Variants in VPS13C observed in about 807,000 individuals in gnomAD.
The protein encoded by VPS13C is intermembrane lipid transfer protein VPS13C.
VPS13C carries 358 observed loss-of-function variants against 456.8 expected under a neutral mutation model. The ratio of observed to expected loss-of-function variants is 0.78; its 90% CI spans 0.72 to 0.86. The LOEUF (loss-of-function observed/expected upper bound fraction) is 0.86. VPS13C is among the 40% of genes least tolerant of loss of function. The pLI is 0.00. For synonymous variants in VPS13C, 1,578 were observed against 1,486.7 expected (o/e 1.06, Z -1.41); for missense variants, 4,818 against 4,385.4 (o/e 1.10, Z -2.79).
At chr15:62,014,907 TTAAG>T (rs1250593065) in intron 9 of VPS13C, among the ~76,000 whole-genome samples, 1 of 152,148 alleles carries the variant, frequency 6.6e-6, no homozygotes, top group Non-Finnish European at 1.5e-5. Flanking sequence ...CATATATTAC[TTAAG>T]TATTAAAACT....
rs1227071243 is a variant in VPS13C, at chr15:61,873,116, T to G, written c.10578+130A>C. The G allele has an allele frequency of 2.2e-6, 3 of 1,376,684 alleles. No individual in the cohort carries two copies. The African/African-American group carries it at 4.3e-5, about 20-fold the overall frequency. 85.3% of individuals were successfully genotyped at this position (1,376,684 alleles called of 1,614,324 possible). A position where few individuals can be genotyped will look rare whatever the true frequency, so the allele number is the denominator to read the frequency against. The stretch of plus-strand genomic sequence containing the variant: ...GGGGAGCAAAAAGGAAACTGGGAAG[T>G]CCATCATTTATCATTCTTTCTATTC... On this transcript the variant is annotated intron_variant, in intron 78 of 84. Transcript: ENST00000644861.
intron 15 of VPS13C, among the ~76,000 whole-genome samples, chr15:62,001,716 T>C (rs1221128091): frequency 6.6e-6 from 1 of 152,170 alleles, no homozygotes; most frequent in African/African-American, 2.4e-5. Context: ...CCCCTTCCTG[T>C]GTCCATGTGT....
At chr15:61,968,333 G>T (rs2045442820) in intron 28 of VPS13C, among the ~76,000 whole-genome samples, 1 of 151,928 alleles carries the variant, frequency 6.6e-6, no homozygotes, top group Non-Finnish European at 1.5e-5. Flanking sequence ...TCAACATGGT[G>T]TAACAACTCT....
intron 1 of VPS13C, among the ~76,000 whole-genome samples, chr15:62,059,441 C>G (rs1487223998): frequency 6.6e-6 from 1 of 151,788 alleles, no homozygotes; most frequent in Non-Finnish European, 1.5e-5. Flanking sequence ...CAAAGCTTAA[C>G]ACGTAATTCA....
intron 15 of VPS13C, among the ~76,000 whole-genome samples, chr15:62,001,974 A>T (rs2046637643): frequency 6.6e-6 from 1 of 152,198 alleles, no homozygotes; most frequent in African/African-American, 2.4e-5. Context: ...TGCCGCAATA[A>T]ACATATGTGT....
intron 6 of VPS13C, among the ~76,000 whole-genome samples, chr15:62,027,928 T>C (rs2047691469): frequency 6.6e-6 from 1 of 152,036 alleles, no homozygotes; most frequent in Admixed American, 6.6e-5. Flanking sequence ...ACACCTCCTG[T>C]CACGGTTCTG....
chr15:61,898,035 T>C (rs915725124), intron 66 of VPS13C, among the ~76,000 whole-genome samples: 3 of 152,072 alleles, frequency 2.0e-5, no homozygotes, highest in South Asian at 2.1e-4. Flanking sequence ...TAAAATACTT[T>C]ACAGACAAGC....
At chr15:61,896,820 C>T (rs1358865889) in intron 66 of VPS13C, among the ~76,000 whole-genome samples, 1 of 152,130 alleles carries the variant, frequency 6.6e-6, no homozygotes, top group Non-Finnish European at 1.5e-5. Flanking sequence ...AACAAAAAGA[C>T]AGCAGTAACC....
At chr15:62,032,654 T>C (rs1398686355) in intron 5 of VPS13C, among the ~76,000 whole-genome samples, 1 of 151,788 alleles carries the variant, frequency 6.6e-6, no homozygotes, top group Non-Finnish European at 1.5e-5. Context: ...ATAATTAACA[T>C]CATTTCTAAC....
rs770402454 is a variant in VPS13C, at chr15:61,920,049, AAAAC to A, written c.7477+14_7477+17del. 6.4e-7 allele frequency: 1 copy of A among 1,557,164 alleles called. No individual in the cohort carries two copies. The highest frequency in any genetic ancestry group is 1.2e-5 in the South Asian group (1 of 83,372). ...AACAACTGCTAAGATACCCTTAAGG[AAAAC>A]AAATATAGCCTACCAATGGTCAGAG... On this transcript the variant is annotated intron_variant, in intron 57 of 84. Coordinates refer to ENST00000644861, the MANE Select transcript of VPS13C (RefSeq NM_020821.3).
At chr15:62,025,559 T>G (rs1047363856) in intron 6 of VPS13C, among the ~76,000 whole-genome samples, 1 of 152,112 alleles carries the variant, frequency 6.6e-6, no homozygotes. Flanking sequence ...CGTGTTAAAT[T>G]CTCTTCTTAC....
rs368291106 is a variant in VPS13C, at chr15:61,931,108, A to C, written c.6020T>G (p.Ile2007Ser). 6.2e-7 allele frequency: 1 copy of C among 1,613,960 alleles called. No homozygotes were observed. Among genetic ancestry groups the C allele is most frequent in the African/African-American group, 1.3e-5 (1 of 74,912 alleles). ...GACAAACCTCGATGTTGCTCTCTCA[A>C]TTCCTTCTCTGAGATCATCAAGGGT... ...TCTLDDLREGIERATSRMIDR... is the reference protein window; with the variant it reads ...TCTLDDLREGSERATSRMIDR... Residue 2007 changes from isoleucine to serine, a missense_variant, in exon 50 of 85, where the codon ATT becomes AGT. This residue lies in a region of VPS13C where 4,552 missense variants were observed against 4,130.6 expected (regional missense o/e 1.10). Transcript: ENST00000644861.
intron 21 of VPS13C, among the ~76,000 whole-genome samples, 184 bp from the exon 22 acceptor site, chr15:61,981,662 C>T (rs931274713): frequency 6.6e-6 from 1 of 152,102 alleles, no homozygotes; most frequent in Non-Finnish European, 1.5e-5. Context: ...AGATCGAGAC[C>T]ATCCTGGCTA....
chr15:61,867,571 T>A lies in VPS13C; in HGVS notation c.10863+1088A>T. 9.8e-7 allele frequency: 1 copy of A among 1,022,708 alleles called. No individual in the cohort carries two copies. The highest frequency in any genetic ancestry group is 4.2e-5 in the South Asian group (1 of 23,792). The allele number at this position is 1,022,708 out of a possible 1,614,324, so 63.4% of individuals were successfully genotyped here. ...TAATTGGACATAATAATTGTCCTGT[T>A]TTTCAATTTTACCTGAAATGCACAT... On this transcript the variant is annotated intron_variant, in intron 81 of 84. Transcript: ENST00000644861. This position sits in a 1 kb window ranked among gnomAD's most constrained non-coding sequence, Gnocchi z 5.0.
intron 25 of VPS13C, among the ~76,000 whole-genome samples, 170 bp downstream of exon 25, chr15:61,974,118 T>A (rs1037672539): frequency 6.6e-6 from 1 of 152,088 alleles, no homozygotes; most frequent in Non-Finnish European, 1.5e-5. Flanking sequence ...TTTTTGTTAG[T>A]TTTTTTCCCC....
chr15:61,856,546 CTTCA>C (rs1893916741), intron 82 of VPS13C, 137 bp from the exon 83 acceptor site: 1 of 975,746 alleles, frequency 1.0e-6, no homozygotes, highest in Admixed American at 3.5e-5. Flanking sequence ...AAAAAACCTG[CTTCA>C]TTTTTTTTAA....
In VPS13C at chr15:61,878,664, T is replaced by C. The variant is rs766973105; in HGVS notation, c.10085A>G (p.Asn3362Ser). The part of the protein sequence containing the change: ...KQEMFAVHSV[N>S]LLLKSIGATL... ...AGCACCTATGCTTTTCAACAGCAAG[T>C]TGACAGAATGAACTGCAAACATTTC... is the stretch of plus-strand genomic sequence containing the variant. Residue 3362 changes from asparagine to serine, a missense_variant, in exon 74 of 85, where the codon AAC becomes AGC. By Grantham distance (46) the Asn-to-Ser change is conservative (BLOSUM62 1). This residue lies in a region of VPS13C where 4,552 missense variants were observed against 4,130.6 expected (regional missense o/e 1.10). Transcript: ENST00000644861. The C allele has an allele frequency of 3.1e-6, 5 of 1,611,894 alleles. No homozygotes were observed. The highest frequency in any genetic ancestry group is 3.3e-5 in the Admixed American group (2 of 59,764).
chr15:61,947,907 T>C (rs1236373698), intron 42 of VPS13C, among the ~76,000 whole-genome samples: 1 of 152,032 alleles, frequency 6.6e-6, no homozygotes, highest in Non-Finnish European at 1.5e-5. Context: ...TGCACGCAGG[T>C]GTATGTGTGC....
chr15:62,044,598 G>C (rs556433292), intron 1 of VPS13C, among the ~76,000 whole-genome samples: 7 of 152,074 alleles, frequency 4.6e-5, no homozygotes, highest in Non-Finnish European at 8.8e-5. Flanking sequence ...AAAATCTCAA[G>C]ATATAAAGAG....
Sources: gnomAD v4.1 joint callset for allele counts (sites outside exome capture counted in the v4.1 genomes callset) on GRCh38, gnomAD v4.1.1 for gene constraint, gnomAD v4.1.1 regional missense constraint, Gnocchi (gnomAD v3.1) non-coding constraint, MANE v1.5 for transcripts, NCBI Gene and HGNC (gene_info 2026-07-23, HGNC 2026-07-21) for gene names.